The following SLC35F4 variants were observed in gnomAD, a reference collection of about 807,000 sequenced individuals.
SLC35F4 encodes the protein chromosome 14 open reading frame 36.
A neutral mutation model predicts 44.2 loss-of-function variants in SLC35F4; 24 were observed. The ratio of observed to expected loss-of-function variants is 0.54; its 90% CI spans 0.39 to 0.76. SLC35F4 has a LOEUF of 0.76. SLC35F4 is among the 30% of genes least tolerant of loss of function. SLC35F4 has a pLI of 0.00. For synonymous variants in SLC35F4, 238 were observed against 223.6 expected, an observed-to-expected ratio of 1.06 and a Z score of -0.57; for missense variants, 562 against 586.1, an observed-to-expected ratio of 0.96 and a Z score of 0.42.
chr14:57,582,141 G>C (rs1398133827), intron 3 of SLC35F4, among the ~76,000 whole-genome samples: 1 of 152,096 alleles, frequency 6.6e-6, no homozygotes, highest in South Asian at 2.1e-4. Flanking sequence ...ATTTTTCAAG[G>C]AAGTTGGCTA....
rs528937681 is a variant in SLC35F4 at position 57,944,027 on chromosome 14, C to T, written n.282+37886G>A. On this transcript the variant is annotated intron_variant and non_coding_transcript_variant, in intron 1 of 1. Coordinates refer to the SLC35F4 transcript ENST00000556568. The stretch of plus-strand genomic sequence containing the variant: ...TGGCCTCAGTGCATTCTCTTTTATT[C>T]ACAACTCAACCCCCTCCCCAAATGA... Among the ~76,000 whole-genome samples the T allele has an allele frequency of 2.0e-5, 3 of 152,198 alleles. No homozygotes were observed. In the South Asian group the frequency reaches 6.2e-4, roughly 32 times the overall value.
At chr14:57,966,742 G>C (rs1384758595) in intron 1 of SLC35F4, among the ~76,000 whole-genome samples, 1 of 152,194 alleles carries the variant, frequency 6.6e-6, no homozygotes, top group Non-Finnish European at 1.5e-5. Context: ...AGGTGCAGTG[G>C]TACACGCCTG....
At chr14:57,646,091 T>G (rs1262347055) in intron 1 of SLC35F4, among the ~76,000 whole-genome samples, 4 of 152,162 alleles carry the variant, frequency 2.6e-5, no homozygotes, top group African/African-American at 7.2e-5. Context: ...TATCTTTTTT[T>G]GTTGTGTCTC....
At chr14:57,949,441 T>C (rs1890095339) in intron 1 of SLC35F4, among the ~76,000 whole-genome samples, 1 of 152,178 alleles carries the variant, frequency 6.6e-6, no homozygotes, top group African/African-American at 2.4e-5. Context: ...GGTGAGTCTG[T>C]TGAAGACAGC....
intron 1 of SLC35F4, among the ~76,000 whole-genome samples, chr14:57,883,712 C>G (rs1201892116): frequency 2.0e-5 from 3 of 152,122 alleles, no homozygotes; most frequent in African/African-American, 7.2e-5. Flanking sequence ...GCCTCATCAT[C>G]TTGAATCTTC....
At chr14:57,951,319 C>T (rs1890136035) in intron 1 of SLC35F4, among the ~76,000 whole-genome samples, 1 of 152,164 alleles carries the variant, frequency 6.6e-6, no homozygotes, top group South Asian at 2.1e-4. Context: ...TGGGTGCCTA[C>T]ACCACCAGGG....
chr14:57,956,183 A>G (rs970294554), intron 1 of SLC35F4, among the ~76,000 whole-genome samples: 1 of 152,316 alleles, frequency 6.6e-6, no homozygotes, highest in African/African-American at 2.4e-5. Flanking sequence ...AAAACAAGAA[A>G]TGGGGAAAGC....
At chr14:57,622,000 G>A (rs897598848) in intron 1 of SLC35F4, among the ~76,000 whole-genome samples, 1 of 151,142 alleles carries the variant, frequency 6.6e-6, no homozygotes, top group Non-Finnish European at 1.5e-5. Context: ...ATCAAAAAGT[G>A]GGCGAACGAC....
At chr14:57,629,236 G>C (rs1354024002) in intron 1 of SLC35F4, among the ~76,000 whole-genome samples, 3 of 152,100 alleles carry the variant, frequency 2.0e-5, no homozygotes, top group African/African-American at 4.8e-5. Context: ...ACAAGGACTG[G>C]TTTACTGTCT....
intron 1 of SLC35F4, among the ~76,000 whole-genome samples, chr14:57,981,071 C>T (rs963837817): frequency 6.6e-6 from 1 of 152,142 alleles, no homozygotes; most frequent in Non-Finnish European, 1.5e-5. Context: ...AAGGCTGTTG[C>T]CAAACTTCTG....
chr14:57,729,103 G>C (rs954424635), intron 1 of SLC35F4, among the ~76,000 whole-genome samples: 4 of 152,054 alleles, frequency 2.6e-5, no homozygotes, highest in African/African-American at 9.7e-5. Flanking sequence ...TCAGCCTTTA[G>C]GAGTTTAATT....
intron 1 of SLC35F4, among the ~76,000 whole-genome samples, chr14:57,763,317 T>A (rs1043922595): frequency 2.0e-5 from 3 of 152,152 alleles, no homozygotes; most frequent in African/African-American, 7.2e-5. Context: ...ACAAAAGGTA[T>A]AAAGATAAAG....
chr14:57,899,665 C>T (rs1210771881), intron 1 of SLC35F4, among the ~76,000 whole-genome samples: 1 of 152,204 alleles, frequency 6.6e-6, no homozygotes, highest in African/African-American at 2.4e-5. Context: ...AACTCAAGGG[C>T]TCAGATAAAG....
intron 1 of SLC35F4, among the ~76,000 whole-genome samples, chr14:57,775,154 T>C (rs1448660740): frequency 6.6e-6 from 1 of 152,180 alleles, no homozygotes; most frequent in Non-Finnish European, 1.5e-5. Flanking sequence ...GCTAACACCA[T>C]CACCAGTGCA....
intron 1 of SLC35F4, among the ~76,000 whole-genome samples, chr14:57,624,336 A>G (rs1284028406): frequency 6.6e-6 from 1 of 152,224 alleles, no homozygotes; most frequent in Non-Finnish European, 1.5e-5. Flanking sequence ...AAAGTCCAGG[A>G]CCAGGCGGAT....
chr14:57,917,529 A>G (rs1889353220), intron 1 of SLC35F4, among the ~76,000 whole-genome samples: 1 of 152,116 alleles, frequency 6.6e-6, no homozygotes, highest in South Asian at 2.1e-4. Flanking sequence ...TTTGCCTTCA[A>G]TGTGACTTGT....
chr14:57,981,258 T>C (rs1473045797), intron 1 of SLC35F4, among the ~76,000 whole-genome samples: 1 of 152,188 alleles, frequency 6.6e-6, no homozygotes, highest in Non-Finnish European at 1.5e-5. Flanking sequence ...AATTATAATA[T>C]TTAGTGATCA....
intron 1 of SLC35F4, among the ~76,000 whole-genome samples, chr14:57,763,859 AGT>A (rs1418043251): frequency 6.6e-6 from 1 of 152,140 alleles, no homozygotes; most frequent in Non-Finnish European, 1.5e-5. Flanking sequence ...GTTACCAAGA[AGT>A]GTTATCTAAT....
chr14:57,577,773 C>T (rs2068902788), intron 4 of SLC35F4, among the ~76,000 whole-genome samples: 1 of 152,082 alleles, frequency 6.6e-6, no homozygotes, highest in African/African-American at 2.4e-5. Context: ...ATTTTCAAGG[C>T]TGCAAGAGCT....
Sources: gnomAD v4.1 joint callset for allele counts (sites outside exome capture counted in the v4.1 genomes callset) on GRCh38, gnomAD v4.1.1 for gene constraint, MANE v1.5 for transcripts, NCBI Gene and HGNC (gene_info 2026-07-23, HGNC 2026-07-21) for gene names.